GUCY1A2: variants seen among roughly 807,000 people sequenced by gnomAD.
The protein encoded by GUCY1A2 is guanylate cyclase 1 soluble subunit alpha 2, also known as guanylate cyclase soluble subunit alpha-2.
A neutral mutation model predicts 63.5 loss-of-function variants in GUCY1A2; 27 were observed. The ratio of observed to expected loss-of-function variants is 0.43; its 90% CI spans 0.31 to 0.59. The LOEUF (loss-of-function observed/expected upper bound fraction) is 0.59, where lower values mean the gene tolerates loss of function less well. Among genes scored for constraint, GUCY1A2 ranks in the 20% least tolerant of loss-of-function variants. The pLI is 0.11. For missense variants in GUCY1A2, 768 were observed against 913.3 expected (o/e 0.84, Z 2.05); for synonymous variants, 364 against 343.5 (o/e 1.06, Z -0.66).
intron 6 of GUCY1A2, among the ~76,000 whole-genome samples, chr11:106,750,362 G>A (rs909009810): frequency 3.3e-5 from 5 of 152,020 alleles, no homozygotes; most frequent in Admixed American, 3.3e-4. Flanking sequence ...CTAGCTCACT[G>A]AGGCAAATGT....
chr11:106,833,664 T>G (rs1859080526), intron 4 of GUCY1A2, among the ~76,000 whole-genome samples: 1 of 152,096 alleles, frequency 6.6e-6, no homozygotes, highest in Non-Finnish European at 1.5e-5. Context: ...GTACACGCCA[T>G]GTAGGCACTC....
intron 7 of GUCY1A2, among the ~76,000 whole-genome samples, chr11:106,698,552 T>G (rs1862763350): frequency 6.6e-6 from 1 of 152,216 alleles, no homozygotes; most frequent in Non-Finnish European, 1.5e-5. Context: ...AAGTGAGTTC[T>G]CTTATATTCT....
At chr11:106,896,427 C>T (rs954634760) in intron 4 of GUCY1A2, among the ~76,000 whole-genome samples, 1 of 152,192 alleles carries the variant, frequency 6.6e-6, no homozygotes, top group Non-Finnish European at 1.5e-5. Flanking sequence ...CATCTCACTA[C>T]TCCTTTTAAA....
chr11:106,893,466 A>ATG (rs140518175), intron 4 of GUCY1A2, among the ~76,000 whole-genome samples: 11 of 11,906 alleles, frequency 9.2e-4, no homozygotes, highest in Non-Finnish European at 2.0e-3. Context: ...CATAGGCCAA[A>ATG]TATATATATA....
chr11:106,917,628 T>A (rs1860385203), intron 4 of GUCY1A2, among the ~76,000 whole-genome samples: 1 of 142,652 alleles, frequency 7.0e-6, no homozygotes, highest in Non-Finnish European at 1.6e-5. Context: ...AAAGGATGAG[T>A]TCATGTCCTT....
At chr11:106,969,209 A>G (rs1861163896) in intron 3 of GUCY1A2, among the ~76,000 whole-genome samples, 1 of 152,208 alleles carries the variant, frequency 6.6e-6, no homozygotes, top group South Asian at 2.1e-4. Context: ...TAAATAAATT[A>G]CAATAGAAAT....
At chr11:106,816,499 G>A (rs1483682321) in intron 4 of GUCY1A2, among the ~76,000 whole-genome samples, 1 of 151,378 alleles carries the variant, frequency 6.6e-6, no homozygotes, top group Non-Finnish European at 1.5e-5. Flanking sequence ...TATAATCAAG[G>A]CGAGAACAAA....
In GUCY1A2 at chr11:106,917,875, A is replaced by G. The variant is rs549593356; in HGVS notation, c.1206+21585T>C. 2.8e-5 allele frequency among the ~76,000 whole-genome samples: 4 copies of G among 140,468 alleles called. 1 individual carries two copies. The South Asian group carries it at 1.1e-3, about 38-fold the overall frequency. 92.2% of individuals were successfully genotyped at this position (140,468 alleles called of 152,430 possible). ...GAGTTAATGGGTGTAGCGCACCAAC[A>G]AGGCACATGTATACATATGTAACTA... On this transcript the variant is annotated intron_variant, in intron 4 of 7. Coordinates refer to ENST00000526355, the MANE Select transcript of GUCY1A2 (RefSeq NM_000855.3).
intron 1 of GUCY1A2, among the ~76,000 whole-genome samples, chr11:106,990,617 T>TGA (rs1453537837): frequency 1.3e-5 from 2 of 152,224 alleles, no homozygotes. Flanking sequence ...ACGCGCAGCG[T>TGA]GAAACACAGT....
In GUCY1A2 at chr11:106,687,732, G is replaced by T; in HGVS notation, c.2016C>A (p.Phe672Leu). The change falls in exon 8 of 8, where the codon TTC (phenylalanine) becomes TTA (leucine). Residue 672 changes from phenylalanine (F) to leucine (L), a missense_variant. Around this residue, in one of 3 missense-constraint regions of GUCY1A2, gnomAD observed 150 missense variants for 188.3 expected, o/e 0.80. Transcript: ENST00000526355. ...TYQLLKREES[F>L]TFIPRSREEL... ...CTTCACGAGACCGCGGAATGAATGTGAAACTTTCTTCTCGTTTTAATAATC... is the reference window on the plus strand; with the variant it reads ...CTTCACGAGACCGCGGAATGAATGTTAAACTTTCTTCTCGTTTTAATAATC... 6.2e-7 allele frequency: 1 copy of T among 1,610,978 alleles called. No homozygotes were observed. The highest frequency in any genetic ancestry group is 8.5e-7 in the Non-Finnish European group (1 of 1,177,142).
At chr11:106,698,418 G>A (rs1014905366) in intron 7 of GUCY1A2, among the ~76,000 whole-genome samples, 12 of 151,660 alleles carry the variant, frequency 7.9e-5, no homozygotes, top group African/African-American at 2.7e-4. Flanking sequence ...CACTGTGCCT[G>A]GTCTGGATGT....
chr11:106,963,313 A>G (rs1339824300), intron 3 of GUCY1A2, among the ~76,000 whole-genome samples: 9 of 152,230 alleles, frequency 5.9e-5, no homozygotes. Flanking sequence ...TAGTAAAGGG[A>G]TGACAAGAAG....
intron 6 of GUCY1A2, among the ~76,000 whole-genome samples, chr11:106,711,804 T>C (rs1290986330): frequency 1.3e-5 from 2 of 152,204 alleles, no homozygotes. Flanking sequence ...ATACTTTCAC[T>C]GCATATTGAA....
intron 1 of GUCY1A2, among the ~76,000 whole-genome samples, chr11:106,997,624 C>T (rs1176202273): frequency 4.3e-5 from 6 of 140,284 alleles, no homozygotes; most frequent in African/African-American, 1.3e-4. Context: ...GGAACCCCCC[C>T]CCCCCACCCG....
chr11:106,821,631 G>A (rs180871152), intron 4 of GUCY1A2, among the ~76,000 whole-genome samples: 1 of 151,970 alleles, frequency 6.6e-6, no homozygotes, highest in African/African-American at 2.4e-5. Flanking sequence ...TTTTTTCAAG[G>A]AAATATTACA....
At chr11:106,746,253 C>G (rs1350486580) in intron 6 of GUCY1A2, among the ~76,000 whole-genome samples, 2 of 151,926 alleles carry the variant, frequency 1.3e-5, no homozygotes, top group Non-Finnish European at 2.9e-5. Flanking sequence ...CCATATATTA[C>G]CATGTGACTG....
intron 1 of GUCY1A2, among the ~76,000 whole-genome samples, chr11:106,989,631 G>A (rs1861445895): frequency 6.6e-6 from 1 of 152,010 alleles, no homozygotes; most frequent in Non-Finnish European, 1.5e-5. Context: ...CAGGTGTAAT[G>A]TTTCAAGATC....
chr11:106,764,963 A>ATG (rs1555028442), intron 6 of GUCY1A2, among the ~76,000 whole-genome samples: 1 of 39,852 alleles, frequency 2.5e-5, no homozygotes, highest in African/African-American at 1.3e-4. Flanking sequence ...TACTTTGCAG[A>ATG]TTTTTTTGGG....
intron 4 of GUCY1A2, among the ~76,000 whole-genome samples, chr11:106,872,669 G>A (rs1859695695): frequency 6.6e-6 from 1 of 152,228 alleles, no homozygotes; most frequent in Admixed American, 6.5e-5. Context: ...ACTCAAAAGT[G>A]TAATTGCTGC....
Sources: allele counts gnomAD v4.1 joint callset (sites outside exome capture counted in the v4.1 genomes callset), GRCh38; gene constraint gnomAD v4.1.1; regional missense constraint gnomAD v4.1.1; transcripts MANE v1.5; gene names NCBI Gene and HGNC (gene_info 2026-07-23, HGNC 2026-07-21).